Variants in HELZ2 observed in about 807,000 individuals in gnomAD.
HELZ2 encodes the protein helicase with zinc finger 2.
Under a neutral mutation model 208.8 loss-of-function variants are expected in HELZ2, and 143 were observed. That is an observed-to-expected ratio of 0.68 (90% CI 0.60 to 0.79). The LOEUF (loss-of-function observed/expected upper bound fraction) is 0.79, where lower values mean the gene tolerates loss of function less well. Ranked by LOEUF, HELZ2 falls within the 30% of genes least tolerant of loss-of-function variation. HELZ2 has a pLI of 0.00. For synonymous variants in HELZ2, 1,705 were observed against 1,693.7 expected, an observed-to-expected ratio of 1.01 and a Z score of -0.16; for missense variants, 3,690 against 3,794.5, an observed-to-expected ratio of 0.97 and a Z score of 0.72.
At chr20:63,562,412 A>C (rs1355308950) in intron 8 of HELZ2, 30 bp from the exon 10 acceptor site, 1 of 1,558,510 alleles carries the variant, frequency 6.4e-7, no homozygotes, top group Admixed American at 1.9e-5. Flanking sequence ...CTGGAAAACC[A>C]ACAGGACTCC....
exon 13 of HELZ2, chr20:63,561,358 G>A (rs777659184): frequency 1.2e-6 from 2 of 1,612,992 alleles, no homozygotes; most frequent in Non-Finnish European, 1.7e-6. Context: ...ACCAGACCAG[G>A]TCCTCCCTGG....
chr20:63,565,377 C>T (rs760456539), exon 8 of HELZ2: 20 of 1,608,666 alleles, frequency 1.2e-5, no homozygotes, highest in Middle Eastern at 1.7e-4. Flanking sequence ...GAGGAGGCAT[C>T]GTCCAGCGGG....
At chr20:63,564,360 C>T (rs940310424) in exon 8 of HELZ2, 8 of 1,563,152 alleles carry the variant, frequency 5.1e-6, no homozygotes, top group Non-Finnish European at 6.9e-6. Flanking sequence ...TAGCACGCGG[C>T]CACGACGCAG....
At chr20:63,567,817 C>G (rs553067276) in intron 5 of HELZ2, 190 bp from the exon 7 acceptor site, 1 of 1,346,764 alleles carries the variant, frequency 7.4e-7, no homozygotes, top group Non-Finnish European at 9.8e-7. Flanking sequence ...GGGCTTCAGG[C>G]AACACCTGGG....
rs142973385 is a variant in HELZ2, at chr20:63,565,736, G to A, written c.3086C>T (p.Ala1029Val). The change falls in exon 8 of 19, where the codon GCA becomes GTA. Residue 1029 changes from alanine to valine, a missense_variant. Physicochemically the swap from Ala to Val is moderately conservative, Grantham distance 64 (BLOSUM62 0). Around this residue, in one of 3 missense-constraint regions of HELZ2, gnomAD observed 2,564 missense variants for 2,580.5 expected, o/e 0.99. Transcript: ENST00000467148. ...CCCGGGCACCACGTCTTCCTTCACT[G>A]CGTCTCCTGCTGGTGCTGCCGCAGC... 1.8e-4 allele frequency: 291 copies of A among 1,604,012 alleles called. No individual in the cohort carries two copies. Among genetic ancestry groups the A allele is most frequent in the Non-Finnish European group, 2.3e-4 (273 of 1,179,844 alleles).
intron 6 of HELZ2, 89 bp from the exon 8 acceptor site, chr20:63,566,542 G>A (rs1271230682): frequency 1.2e-6 from 1 of 846,516 alleles, no homozygotes; most frequent in Admixed American, 2.5e-5. Flanking sequence ...CACCAAGCTC[G>A]GGGATGAGCG....
chr20:63,561,538 T>C, intron 12 of HELZ2, 63 bp downstream of exon 13: 1 of 1,574,186 alleles, frequency 6.4e-7, no homozygotes, highest in African/African-American at 1.3e-5. Context: ...GAGACCCACC[T>C]ACACAGGACT....
At chr20:63,572,472 G>C, upstream of HELZ2, 1 of 1,370,414 alleles carries the variant, frequency 7.3e-7, no homozygotes, top group African/African-American at 1.5e-5. Context: ...TAGGCAGGAG[G>C]CTGGCCGGCC....
intron 3 of HELZ2, among the ~76,000 whole-genome samples, chr20:63,569,881 G>A (rs754804803): frequency 1.3e-5 from 2 of 152,232 alleles, no homozygotes; most frequent in Non-Finnish European, 2.9e-5. Flanking sequence ...TGGATGTCCC[G>A]TGGGGCAGTG....
At chr20:63,560,536 C>T in exon 16 of HELZ2, 2 of 1,613,152 alleles carry the variant, frequency 1.2e-6, no homozygotes, top group East Asian at 2.2e-5. Flanking sequence ...CGTCCGTGGA[C>T]ACCAGCAGGC....
exon 11 of HELZ2, chr20:63,561,876 C>A (rs761861801): frequency 6.4e-7 from 1 of 1,571,326 alleles, no homozygotes; most frequent in Non-Finnish European, 8.6e-7. Flanking sequence ...GATGCAGGGA[C>A]CCCCCAGCCG....
rs116485861 is a variant in HELZ2 at position 63,567,531 on chromosome 20, C to T, written c.1827G>A (p.Pro609=). The T allele has an allele frequency of 4.9e-4, 761 of 1,565,850 alleles. 5 individuals carry two copies. In the African/African-American group the frequency reaches 9.2e-3, roughly 19 times the overall value. Reference sequence around the variant, plus strand: ...GCGTGACTGGGTCCGTCTGGCTCAGCGGCCGGTCCGTGTACATCACACGGA... The same window carrying T: ...GCGTGACTGGGTCCGTCTGGCTCAGTGGCCGGTCCGTGTACATCACACGGA... Residue 609 remains proline (P), a synonymous_variant, in exon 6 of 19, where the codon CCG becomes CCA. Transcript: ENST00000467148.
exon 8 of HELZ2, chr20:63,563,977 G>A (rs372671884): frequency 1.7e-5 from 27 of 1,601,120 alleles, no homozygotes; most frequent in South Asian, 4.4e-5. Context: ...CCATCTGTTC[G>A]TAGTCCTGGG....
At chr20:63,563,817 T>C (rs774442465) in exon 8 of HELZ2, 3 of 1,600,678 alleles carry the variant, frequency 1.9e-6, no homozygotes, top group Admixed American at 1.7e-5. Context: ...GTGGCCCACG[T>C]GTACCAGTCC....
At chr20:63,571,499 G>A (rs2083015598) in intron 1 of HELZ2, 1 of 261,236 alleles carries the variant, frequency 3.8e-6, no homozygotes, top group Non-Finnish European at 7.6e-6. Flanking sequence ...GGCTCTGCCT[G>A]TGGTGGGCTC....
upstream of HELZ2, among the ~76,000 whole-genome samples, chr20:63,573,872 A>T (rs1210894071): frequency 6.6e-6 from 1 of 151,992 alleles, no homozygotes. This position sits in a 1 kb window ranked among gnomAD's most constrained non-coding sequence, Gnocchi z 4.9. Flanking sequence ...CTCCCCGCGG[A>T]CCCCTCTGAG....
At chr20:63,565,631 C>G in exon 8 of HELZ2, 1 of 1,610,816 alleles carries the variant, frequency 6.2e-7, no homozygotes, top group Non-Finnish European at 8.5e-7. Context: ...CTCCCCGTCC[C>G]ACGGCCAGAA....
chr20:63,571,990 G>A, intron 1 of HELZ2, 118 bp downstream of exon 2: 1 of 1,210,658 alleles, frequency 8.3e-7, no homozygotes, highest in East Asian at 2.6e-5. Context: ...CAAGCTCCTG[G>A]GAGCCTCTGG....
At chr20:63,569,171 C>A (rs778782715) in exon 4 of HELZ2, 2 of 1,549,942 alleles carry the variant, frequency 1.3e-6, no homozygotes, top group South Asian at 1.2e-5. Flanking sequence ...GCTGCTGAGC[C>A]GCCTCCTCCT....
Sources: allele counts gnomAD v4.1 joint callset (sites outside exome capture counted in the v4.1 genomes callset), GRCh38; gene constraint gnomAD v4.1.1; regional missense constraint gnomAD v4.1.1; non-coding constraint Gnocchi (gnomAD v3.1); transcripts MANE v1.5; gene names NCBI Gene and HGNC (gene_info 2026-07-23, HGNC 2026-07-21).